PCYT1A: variants seen among roughly 807,000 people sequenced by gnomAD.
PCYT1A encodes phosphate cytidylyltransferase 1A, choline, also known as choline-phosphate cytidylyltransferase A.
PCYT1A carries 25 observed loss-of-function variants against 43.7 expected under a neutral mutation model. The ratio of observed to expected loss-of-function variants is 0.57; its 90% CI spans 0.42 to 0.80. PCYT1A has a LOEUF of 0.80. Among genes scored for constraint, PCYT1A ranks in the 30% least tolerant of loss-of-function variants. PCYT1A has a pLI of 0.00. For synonymous variants in PCYT1A, 172 were observed against 170.7 expected (o/e 1.01, Z -0.06); for missense variants, 421 against 474.2 (o/e 0.89, Z 1.04).
chr3:196,265,793 A>G (rs866325964), intron 2 of PCYT1A, among the ~76,000 whole-genome samples: 13 of 141,780 alleles, frequency 9.2e-5, no homozygotes, highest in Non-Finnish European at 1.5e-4. Context: ...GCTGGAGTGC[A>G]GTGGCGCGAT....
intron 3 of PCYT1A, among the ~76,000 whole-genome samples, chr3:196,249,722 T>C (rs1310391409): frequency 6.6e-6 from 1 of 152,236 alleles, no homozygotes; most frequent in African/African-American, 2.4e-5. Flanking sequence ...GACAGGAGCA[T>C]TTACATCATT....
In PCYT1A at chr3:196,273,830, G is replaced by T. The variant is rs1422304806; in HGVS notation, c.-10-3289C>A. On this transcript the variant is annotated intron_variant, in intron 1 of 8. Coordinates refer to ENST00000431016, the MANE Select transcript of PCYT1A (RefSeq NM_001312673.2). The surrounding 1 kb of genome is among the most constrained non-coding windows in gnomAD (Gnocchi z 4.1). ...ACAGAACTGGCAGCCTGGGCCCCAGGCTTCAGGCCATCCCTGGCTTGAAGG... is the reference window on the plus strand; with the variant it reads ...ACAGAACTGGCAGCCTGGGCCCCAGTCTTCAGGCCATCCCTGGCTTGAAGG... Among the ~76,000 whole-genome samples, 4 of 152,214 alleles carry T rather than the reference G, an allele frequency of 2.6e-5. No homozygotes were observed. Among genetic ancestry groups the T allele is most frequent in the Non-Finnish European group, 5.9e-5 (4 of 68,040 alleles).
At chr3:196,280,570 G>GGTT (rs371737296) in intron 1 of PCYT1A, among the ~76,000 whole-genome samples, 1 of 91,344 alleles carries the variant, frequency 1.1e-5, no homozygotes, top group Non-Finnish European at 2.1e-5. Flanking sequence ...TATTTTTATT[G>GGTT]TTTTTTTTTT....
chr3:196,263,868 G>A (rs981143309), intron 2 of PCYT1A, among the ~76,000 whole-genome samples: 3 of 151,844 alleles, frequency 2.0e-5, no homozygotes, highest in African/African-American at 2.4e-5. Context: ...ACTTGACCTC[G>A]TGATCCACCC....
intron 5 of PCYT1A, among the ~76,000 whole-genome samples, chr3:196,243,995 A>G (rs549624298): frequency 2.0e-5 from 3 of 149,946 alleles, no homozygotes; most frequent in African/African-American, 7.4e-5. Flanking sequence ...CTGGCCGCCC[A>G]TCGTCTGGGA....
intron 2 of PCYT1A, 105 bp from the exon 3 acceptor site, chr3:196,257,992 A>C: frequency 1.5e-6 from 1 of 652,010 alleles, no homozygotes; most frequent in Non-Finnish European, 2.6e-6. Context: ...TCTCTATTAT[A>C]GATGGCTTCG....
intron 5 of PCYT1A, among the ~76,000 whole-genome samples, chr3:196,243,925 G>A (rs1724454842): frequency 6.6e-6 from 1 of 152,264 alleles, no homozygotes; most frequent in African/African-American, 2.4e-5. Context: ...CTCCCAAAGT[G>A]CTGAGACTGC....
Position 196,253,232 on chromosome 3 carries a change from G to A in PCYT1A, c.217+4556C>T, listed in dbSNP as rs1404337609. On this transcript the variant is annotated intron_variant, in intron 3 of 8. Transcript: ENST00000431016. ...GGCGCCTGTAATCCCAGCTACTCGGGAGGCTGAGGCAGGAGAATCTCTTGA... is the reference window on the plus strand; with the variant it reads ...GGCGCCTGTAATCCCAGCTACTCGGAAGGCTGAGGCAGGAGAATCTCTTGA... Among the ~76,000 whole-genome samples, 3 of 151,274 alleles carry A rather than the reference G, an allele frequency of 2.0e-5. No individual in the cohort carries two copies. The Admixed American group carries it at 2.0e-4, about 10-fold the overall frequency.
chr3:196,256,701 A>G (rs565715402), intron 3 of PCYT1A, among the ~76,000 whole-genome samples: 1 of 151,850 alleles, frequency 6.6e-6, no homozygotes, highest in Non-Finnish European at 1.5e-5. Context: ...CACCACGCCC[A>G]GCTAACTTTT....
rs1254511932 is a variant in PCYT1A at position 196,242,910 on chromosome 3, C to A, written c.487-270G>T. On this transcript the variant is annotated intron_variant, in intron 5 of 8. Coordinates refer to ENST00000431016, the MANE Select transcript of PCYT1A (RefSeq NM_001312673.2). This position sits in a 1 kb window ranked among gnomAD's most constrained non-coding sequence, Gnocchi z 4.2. ...TGTTACCCTCACTCTGTATACCAGT[C>A]ATCTTGCTGTGGTCAATAGGGCCAG... 3 of 457,394 alleles carry A rather than the reference C, an allele frequency of 6.6e-6. No homozygotes were observed. The highest frequency in any genetic ancestry group is 2.0e-5 in the African/African-American group (1 of 50,804). The allele number at this position is 457,394 out of a possible 1,614,324, so 28.3% of individuals were successfully genotyped here. A position where few individuals can be genotyped will look rare whatever the true frequency, so the allele number is the denominator to read the frequency against.
chr3:196,246,093 C>A (rs1724561799), intron 5 of PCYT1A, among the ~76,000 whole-genome samples: 1 of 152,170 alleles, frequency 6.6e-6, no homozygotes, highest in Admixed American at 6.5e-5. Context: ...AATAAACTTG[C>A]TTACCACCTT....
In PCYT1A at chr3:196,252,152, C is replaced by T. The variant is rs77394935; in HGVS notation, c.218-3829G>A. 3.9e-5 allele frequency among the ~76,000 whole-genome samples: 6 copies of T among 152,026 alleles called. No homozygotes were observed. The highest frequency in any genetic ancestry group is 1.4e-4 in the African/African-American group (6 of 41,386). ...CCACTGGCTACAGTGCACACCGCCA[C>T]GCCCCACTGGCTACAGCGCACACCA... On this transcript the variant is annotated intron_variant, in intron 3 of 8. Transcript: ENST00000431016. The surrounding 1 kb of genome is among the most constrained non-coding windows in gnomAD (Gnocchi z 4.0).
rs1724381631 is a variant in PCYT1A, at chr3:196,242,292, C to T, written c.566-202G>A. The T allele has an allele frequency of 3.1e-6, 2 of 648,288 alleles. No individual in the cohort carries two copies. Among genetic ancestry groups the T allele is most frequent in the Non-Finnish European group, 2.7e-6 (1 of 365,742 alleles). 40.2% of individuals were successfully genotyped at this position (648,288 alleles called of 1,614,324 possible). A position where few individuals can be genotyped will look rare whatever the true frequency, so the allele number is the denominator to read the frequency against. ...GGTAAGGCAAAGAAGAGTTACATAG[C>T]CCTAATATTAAGAAAAATATGAGAA... On this transcript the variant is annotated intron_variant, in intron 6 of 8. Coordinates refer to ENST00000431016, the MANE Select transcript of PCYT1A (RefSeq NM_001312673.2). The surrounding 1 kb of genome is among the most constrained non-coding windows in gnomAD (Gnocchi z 4.2).
At chr3:196,240,780 T>C (rs928608154) in intron 7 of PCYT1A, 1 of 152,116 alleles carries the variant, frequency 6.6e-6, no homozygotes, top group African/African-American at 2.4e-5. Context: ...CTGATTTTTA[T>C]GGGAAAAATA....
At chr3:196,245,024 G>C (rs563507546) in intron 5 of PCYT1A, among the ~76,000 whole-genome samples, 2 of 151,946 alleles carry the variant, frequency 1.3e-5, no homozygotes, top group Admixed American at 6.6e-5. Flanking sequence ...CTGACCTTCC[G>C]TCCACTATTG....
intron 1 of PCYT1A, among the ~76,000 whole-genome samples, chr3:196,286,920 G>C (rs1345264629): frequency 6.6e-6 from 1 of 151,748 alleles, no homozygotes; most frequent in Non-Finnish European, 1.5e-5. Context: ...CTCAAAAAAA[G>C]AAAAAGAAAA....
Position 196,282,238 on chromosome 3 carries a change from C to T in PCYT1A, c.-11+5377G>A, listed in dbSNP as rs1015654645. Among the ~76,000 whole-genome samples the T allele has an allele frequency of 6.6e-6, 1 of 152,178 alleles. No homozygotes were observed. Among genetic ancestry groups the T allele is most frequent in the Admixed American group, 6.5e-5 (1 of 15,268 alleles). ...ACACATAATAAAGCTTATACTTCTT[C>T]GGCCTGGACATGTAGTAGAATATTT... On this transcript the variant is annotated intron_variant, in intron 1 of 8. Coordinates refer to ENST00000431016, the MANE Select transcript of PCYT1A (RefSeq NM_001312673.2). This position sits in a 1 kb window ranked among gnomAD's most constrained non-coding sequence, Gnocchi z 4.3.
rs1201537295 is a variant in PCYT1A, at chr3:196,282,267, G to A, written c.-11+5348C>T. On this transcript the variant is annotated intron_variant, in intron 1 of 8. Coordinates refer to ENST00000431016, the MANE Select transcript of PCYT1A (RefSeq NM_001312673.2). The surrounding 1 kb of genome is among the most constrained non-coding windows in gnomAD (Gnocchi z 4.3). ...CTGGACATGTAGTAGAATATTTCAG[G>A]AAAGAAAAAACCATGAGGGACACAT... 6.6e-6 allele frequency among the ~76,000 whole-genome samples: 1 copy of A among 152,138 alleles called. No homozygotes were observed. The highest frequency in any genetic ancestry group is 1.5e-5 in the Non-Finnish European group (1 of 68,030).
chr3:196,282,000 T>C (rs1725783851), intron 1 of PCYT1A, among the ~76,000 whole-genome samples: 1 of 152,204 alleles, frequency 6.6e-6, no homozygotes, highest in Non-Finnish European at 1.5e-5. Context: ...TGAGAACTTA[T>C]AAATGTAAAA....
Sources: gnomAD v4.1 joint callset for allele counts (sites outside exome capture counted in the v4.1 genomes callset) on GRCh38, gnomAD v4.1.1 for gene constraint, Gnocchi (gnomAD v3.1) non-coding constraint, MANE v1.5 for transcripts, NCBI Gene and HGNC (gene_info 2026-07-23, HGNC 2026-07-21) for gene names.